The following PRKN variants were observed in gnomAD, a reference collection of about 807,000 sequenced individuals.
PRKN encodes the protein parkin RBR E3 ubiquitin protein ligase.
PRKN carries 56 observed loss-of-function variants against 59.5 expected under a neutral mutation model. The ratio of observed to expected loss-of-function variants is 0.94; its 90% CI spans 0.76 to 1.18. The LOEUF is 1.18. PRKN is among the 50% of genes most tolerant of loss of function. The pLI is 0.00. For synonymous variants in PRKN, 250 were observed against 222.1 expected, an observed-to-expected ratio of 1.13 and a Z score of -1.12; for missense variants, 657 against 596.4, an observed-to-expected ratio of 1.10 and a Z score of -1.06.
At chr6:162,378,652 G>A (rs994877929) in intron 2 of PRKN, among the ~76,000 whole-genome samples, 1 of 152,242 alleles carries the variant, frequency 6.6e-6, no homozygotes, top group Non-Finnish European at 1.5e-5. Flanking sequence ...AATGGCCTTT[G>A]TTCTACCTGG....
chr6:162,513,080 A>G, intron 1 of PRKN, among the ~76,000 whole-genome samples: 1 of 152,180 alleles, frequency 6.6e-6, no homozygotes, highest in East Asian at 1.9e-4. Flanking sequence ...AATGCTTCTC[A>G]GGGAAAATTA....
intron 1 of PRKN, among the ~76,000 whole-genome samples, chr6:162,499,502 A>T (rs1562333752): frequency 6.6e-6 from 1 of 152,200 alleles, no homozygotes; most frequent in Non-Finnish European, 1.5e-5. Context: ...AGCAAATTGT[A>T]GGCAACCAAT....
intron 6 of PRKN, among the ~76,000 whole-genome samples, chr6:161,859,320 G>A (rs1226104414): frequency 2.6e-5 from 4 of 151,924 alleles, no homozygotes; most frequent in South Asian, 2.1e-4. Flanking sequence ...AAATGAGAAC[G>A]CAGGCCAGAC....
intron 1 of PRKN, among the ~76,000 whole-genome samples, chr6:162,687,251 T>C (rs905443146): frequency 1.3e-5 from 2 of 149,926 alleles, no homozygotes; most frequent in Non-Finnish European, 3.0e-5. Flanking sequence ...AGAGGCACGA[T>C]CTCAGCTCAC....
At chr6:162,520,800 A>T (rs1213385868) in intron 1 of PRKN, among the ~76,000 whole-genome samples, 1 of 117,016 alleles carries the variant, frequency 8.5e-6, no homozygotes, top group Non-Finnish European at 1.8e-5. Flanking sequence ...CCCTTAGTTT[A>T]AAAAAAAAAA....
intron 6 of PRKN, among the ~76,000 whole-genome samples, chr6:161,926,190 C>A: frequency 6.6e-6 from 1 of 152,166 alleles, no homozygotes; most frequent in East Asian, 1.9e-4. Flanking sequence ...TCGTTCTTGA[C>A]CTGTAGAAAG....
intron 6 of PRKN, among the ~76,000 whole-genome samples, chr6:161,935,480 G>A (rs1311774249): frequency 6.6e-6 from 1 of 151,524 alleles, no homozygotes; most frequent in African/African-American, 2.4e-5. Flanking sequence ...CTTAAGCCGG[G>A]GAAGTTGAGG....
At position 161,566,227 on chromosome 6, in the gene PRKN, C is replaced by T. The variant is rs1780638438; in HGVS notation, c.933+3128G>A. Among the ~76,000 whole-genome samples, 2 of 152,316 alleles carry T rather than the reference C, an allele frequency of 1.3e-5. No homozygotes were observed. The highest frequency in any genetic ancestry group is 1.3e-4 in the Admixed American group (2 of 15,308). On this transcript the variant is annotated intron_variant, in intron 8 of 11. Transcript: ENST00000366898. The surrounding 1 kb of genome is among the most constrained non-coding windows in gnomAD (Gnocchi z 4.1). Reference sequence around the variant, plus strand: ...CATGAATCCATTCGAGGCAGGCTTTCCCCTCACTGCCCATGGTCAAGGTTA... The same window carrying T: ...CATGAATCCATTCGAGGCAGGCTTTTCCCTCACTGCCCATGGTCAAGGTTA...
intron 4 of PRKN, among the ~76,000 whole-genome samples, chr6:162,100,994 T>C (rs1336980287): frequency 6.6e-6 from 1 of 152,186 alleles, no homozygotes; most frequent in Non-Finnish European, 1.5e-5. Context: ...TCTTATCAAA[T>C]GTATGGTTGG....
At chr6:161,477,087 GTTAA>G (rs1791121883) in intron 9 of PRKN, among the ~76,000 whole-genome samples, 1 of 152,218 alleles carries the variant, frequency 6.6e-6, no homozygotes, top group Non-Finnish European at 1.5e-5. Flanking sequence ...CACCAGTGTG[GTTAA>G]TTATCAGAGA....
intron 4 of PRKN, among the ~76,000 whole-genome samples, chr6:162,179,994 G>C (rs976766755): frequency 1.3e-5 from 2 of 151,144 alleles, no homozygotes; most frequent in African/African-American, 4.9e-5. Flanking sequence ...GTGTGTGTGT[G>C]TGTGTGTGTG....
chr6:161,665,906 A>G lies in PRKN; in HGVS notation c.872-96490T>C, dbSNP rs542257322. ...AGGGCCCTCTGTCTTGTCTTTTCCA[A>G]CAGCCTGGATGTCTACCCACTCCAG... On this transcript the variant is annotated intron_variant, in intron 7 of 11. Coordinates refer to ENST00000366898, the MANE Select transcript of PRKN (RefSeq NM_004562.3). Among the ~76,000 whole-genome samples, 26 of 152,148 alleles carry G rather than the reference A, an allele frequency of 1.7e-4. No homozygotes were observed. The South Asian group carries it at 5.2e-3, about 30-fold the overall frequency.
chr6:162,342,543 T>G, intron 2 of PRKN, among the ~76,000 whole-genome samples: 1 of 152,308 alleles, frequency 6.6e-6, no homozygotes. Context: ...AAAGTTTACA[T>G]AGTAAGTAAG....
rs186734817 is a variant in PRKN, at chr6:162,613,777, C to T, written c.7+113885G>A. On this transcript the variant is annotated intron_variant, in intron 1 of 11. Transcript: ENST00000366898. ...TGATAAAATGCCTTACAGACTGAAA[C>T]GCAAGATGACCAAGCATGAAGATTT... is the stretch of plus-strand genomic sequence containing the variant. 7.0e-4 allele frequency among the ~76,000 whole-genome samples: 106 copies of T among 152,146 alleles called. No homozygotes were observed. In the East Asian group the frequency reaches 0.01, roughly 14 times the overall value.
intron 6 of PRKN, among the ~76,000 whole-genome samples, chr6:161,904,234 C>T (rs1778043969): frequency 6.6e-6 from 1 of 150,858 alleles, no homozygotes; most frequent in Admixed American, 6.6e-5. Flanking sequence ...AGCACGCCCA[C>T]AGTTTGGGGG....
At chr6:162,254,793 G>A (rs909061010) in intron 3 of PRKN, among the ~76,000 whole-genome samples, 2 of 151,968 alleles carry the variant, frequency 1.3e-5, no homozygotes, top group Non-Finnish European at 2.9e-5. Flanking sequence ...TCGCCAAAGG[G>A]TCCTTTGAGC....
At chr6:161,534,257 G>A (rs1779329617) in intron 9 of PRKN, among the ~76,000 whole-genome samples, 1 of 152,122 alleles carries the variant, frequency 6.6e-6, no homozygotes, top group South Asian at 2.1e-4. Flanking sequence ...AGAATCTTCT[G>A]CCTGAAATAT....
intron 4 of PRKN, among the ~76,000 whole-genome samples, chr6:162,108,638 GGTTA>G (rs751992760): frequency 3.3e-5 from 5 of 152,138 alleles, no homozygotes; most frequent in South Asian, 4.1e-4. Context: ...GGTGTGACAG[GGTTA>G]GTTAAACATA....
chr6:162,443,934 G>A (rs1266689117), intron 1 of PRKN, among the ~76,000 whole-genome samples: 7 of 152,174 alleles, frequency 4.6e-5, no homozygotes, highest in Non-Finnish European at 5.9e-5. Flanking sequence ...CTATAGACCA[G>A]AGTGAAGACC....
Sources: allele counts gnomAD v4.1 joint callset (sites outside exome capture counted in the v4.1 genomes callset), GRCh38; gene constraint gnomAD v4.1.1; non-coding constraint Gnocchi (gnomAD v3.1); transcripts MANE v1.5; gene names NCBI Gene and HGNC (gene_info 2026-07-23, HGNC 2026-07-21).